GALNTL6: variants seen among roughly 807,000 people sequenced by gnomAD.
GALNTL6 encodes the protein polypeptide N-acetylgalactosaminyltransferase like 6, also known as polypeptide N-acetylgalactosaminyltransferase-like 6.
GALNTL6 carries 46 observed loss-of-function variants against 73.7 expected under a neutral mutation model. The observed-to-expected ratio is 0.62, with a 90% CI of 0.49 to 0.80. GALNTL6 has a LOEUF of 0.80. GALNTL6 is among the 30% of genes least tolerant of loss of function. GALNTL6 has a pLI of 0.00. For missense variants in GALNTL6, 604 were observed against 755.0 expected (o/e 0.80, Z 2.34); for synonymous variants, 259 against 263.7 (o/e 0.98, Z 0.17).
chr4:172,428,375 A>G (rs1298613555), intron 5 of GALNTL6, among the ~76,000 whole-genome samples: 1 of 152,186 alleles, frequency 6.6e-6, no homozygotes, highest in Non-Finnish European at 1.5e-5. Flanking sequence ...TAGGAAACTG[A>G]CAACTATTTA....
At chr4:172,189,968 G>A (rs1276575169) in intron 2 of GALNTL6, among the ~76,000 whole-genome samples, 1 of 152,110 alleles carries the variant, frequency 6.6e-6, no homozygotes, top group African/African-American at 2.4e-5. Flanking sequence ...TATCTCAAGA[G>A]CAACAAACCA....
At chr4:172,016,312 T>C (rs563919541) in intron 2 of GALNTL6, among the ~76,000 whole-genome samples, 3 of 152,194 alleles carry the variant, frequency 2.0e-5, no homozygotes, top group African/African-American at 4.8e-5. Context: ...GAAAGCCTTG[T>C]CTTCACGCTC....
In GALNTL6 at chr4:172,615,870, CA is replaced by C. The variant is rs1390971057; in HGVS notation, c.554-193490del. 9.9e-5 allele frequency among the ~76,000 whole-genome samples: 15 copies of C among 152,282 alleles called. 1 individual carries two copies. In the East Asian group the frequency reaches 2.3e-3, roughly 24 times the overall value. On this transcript the variant is annotated intron_variant, in intron 5 of 12. Transcript: ENST00000506823. ...GGTAAGACAATCAATTTAGTAAGAT[CA>C]GACAATTTCTGATGCTTTAATACAA...
intron 5 of GALNTL6, among the ~76,000 whole-genome samples, chr4:172,500,870 G>C (rs762264958): frequency 2.0e-5 from 3 of 152,180 alleles, no homozygotes; most frequent in Non-Finnish European, 4.4e-5. Context: ...CTCAATGTAT[G>C]TAGAGGAAAT....
chr4:171,814,852 C>G (rs1028076686), intron 2 of GALNTL6, 134 bp downstream of exon 2: 8 of 819,588 alleles, frequency 9.8e-6, no homozygotes, highest in East Asian at 5.2e-5. Flanking sequence ...TTACAAGACT[C>G]TAGAGACTTT....
intron 5 of GALNTL6, among the ~76,000 whole-genome samples, chr4:172,806,155 T>G (rs983059527): frequency 1.3e-5 from 2 of 152,156 alleles, no homozygotes; most frequent in South Asian, 4.1e-4. Context: ...AATTGGATGT[T>G]ACAATGAACT....
intron 2 of GALNTL6, among the ~76,000 whole-genome samples, chr4:171,914,538 C>A (rs1462212057): frequency 2.0e-5 from 3 of 148,958 alleles, no homozygotes; most frequent in Non-Finnish European, 3.0e-5. Flanking sequence ...TCAAGCTATC[C>A]TCCTGCCTCA....
intron 7 of GALNTL6, among the ~76,000 whole-genome samples, chr4:172,881,806 C>G (rs1262835281): frequency 2.6e-5 from 4 of 152,128 alleles, no homozygotes; most frequent in African/African-American, 9.7e-5. Flanking sequence ...ATAGTTATCT[C>G]TTTTGCCTCT....
chr4:172,380,058 C>G lies in GALNTL6; in HGVS notation c.553+31369C>G. On this transcript the variant is annotated intron_variant, in intron 5 of 12. Coordinates refer to ENST00000506823, the MANE Select transcript of GALNTL6 (RefSeq NM_001034845.3). Reference sequence around the variant, plus strand: ...TATTATTCATGGCATATAGCCTAGTCCCTGCTCTAGCTGTTTATATGGCTT... The same window carrying G: ...TATTATTCATGGCATATAGCCTAGTGCCTGCTCTAGCTGTTTATATGGCTT... The G allele has an allele frequency of 3.1e-6, 3 of 961,956 alleles. No individual in the cohort carries two copies. The South Asian group carries it at 3.9e-5, about 12-fold the overall frequency. 59.6% of individuals were successfully genotyped at this position (961,956 alleles called of 1,614,324 possible). A position where few individuals can be genotyped will look rare whatever the true frequency, so the allele number is the denominator to read the frequency against.
chr4:172,226,356 C>G (rs1447408407), intron 2 of GALNTL6, among the ~76,000 whole-genome samples: 1 of 152,154 alleles, frequency 6.6e-6, no homozygotes, highest in Non-Finnish European at 1.5e-5. Context: ...AGCCAATATT[C>G]CGGTTAGATT....
chr4:172,639,146 G>A (rs899804380), intron 5 of GALNTL6, among the ~76,000 whole-genome samples: 2 of 152,060 alleles, frequency 1.3e-5, no homozygotes, highest in African/African-American at 4.8e-5. Flanking sequence ...CTGGTAGGGA[G>A]GGAGACTATA....
In GALNTL6 at chr4:172,603,872, A is replaced by G. The variant is rs577374091; in HGVS notation, c.554-205489A>G. 7.2e-5 allele frequency among the ~76,000 whole-genome samples: 11 copies of G among 152,318 alleles called. No individual in the cohort carries two copies. In the South Asian group the frequency reaches 2.3e-3, roughly 32 times the overall value. ...CTATGAGAACAAACCAGGAACATGA[A>G]TAAAGTTAAGAGGCAGTCTTCAGAT... is the stretch of plus-strand genomic sequence containing the variant. On this transcript the variant is annotated intron_variant, in intron 5 of 12. Transcript: ENST00000506823.
At chr4:172,660,522 C>T (rs1354937226) in intron 5 of GALNTL6, among the ~76,000 whole-genome samples, 1 of 152,186 alleles carries the variant, frequency 6.6e-6, no homozygotes, top group African/African-American at 2.4e-5. Flanking sequence ...TTGCCCTTGC[C>T]TTTATTTTCA....
chr4:171,883,792 C>T (rs1002453728), intron 2 of GALNTL6, among the ~76,000 whole-genome samples: 11 of 151,820 alleles, frequency 7.2e-5, no homozygotes, highest in South Asian at 4.2e-4. Flanking sequence ...GGACTACAGG[C>T]GCCTGCCACC....
At chr4:172,531,394 T>C (rs1449269246) in intron 5 of GALNTL6, among the ~76,000 whole-genome samples, 3 of 152,328 alleles carry the variant, frequency 2.0e-5, no homozygotes, top group African/African-American at 7.2e-5. Context: ...AAGCAGGACA[T>C]TTTATATCAC....
intron 5 of GALNTL6, among the ~76,000 whole-genome samples, chr4:172,750,397 A>C (rs917006826): frequency 6.6e-6 from 1 of 152,192 alleles, no homozygotes; most frequent in Non-Finnish European, 1.5e-5. Context: ...TCAGCTACAC[A>C]CAAATGAATC....
chr4:172,894,897 T>C (rs1561019353), intron 8 of GALNTL6, among the ~76,000 whole-genome samples: 2 of 152,036 alleles, frequency 1.3e-5, no homozygotes, highest in Non-Finnish European at 2.9e-5. Flanking sequence ...ATAATTGTTA[T>C]ATCCTCTTGC....
chr4:172,700,735 C>T (rs549038969), intron 5 of GALNTL6, among the ~76,000 whole-genome samples: 1 of 152,250 alleles, frequency 6.6e-6, no homozygotes, highest in South Asian at 2.1e-4. Flanking sequence ...CAATCGCTCA[C>T]CCCTGTTAAA....
chr4:171,971,304 G>T (rs868371333), intron 2 of GALNTL6, among the ~76,000 whole-genome samples: 3 of 152,190 alleles, frequency 2.0e-5, no homozygotes, highest in East Asian at 1.9e-4. Context: ...CCTCTTTGAG[G>T]TAAGTGTTCA....
Sources: gnomAD v4.1 joint callset for allele counts (sites outside exome capture counted in the v4.1 genomes callset) on GRCh38, gnomAD v4.1.1 for gene constraint, MANE v1.5 for transcripts, NCBI Gene and HGNC (gene_info 2026-07-23, HGNC 2026-07-21) for gene names.